The following RLN1 variants were observed in gnomAD, a reference collection of about 807,000 sequenced individuals.
RLN1 encodes the protein prorelaxin H1.
In RLN1, 4 loss-of-function variants were observed where a neutral mutation model predicts 7.2. The observed-to-expected ratio is 0.56, with a 90% CI of 0.28 to 1.28. RLN1 has a LOEUF of 1.28. Among genes scored for constraint, RLN1 ranks in the 50% most tolerant of loss-of-function variants. The pLI is 0.11. For synonymous variants in RLN1, 105 were observed against 86.0 expected (o/e 1.22, Z -1.22); for missense variants, 293 against 221.1 (o/e 1.32, Z -2.06).
At position 5,335,273 on chromosome 9, in the gene RLN1, C is replaced by A. The variant is rs867526609; in HGVS notation, c.536G>T (p.Arg179Met). The change falls in exon 2 of 2, where the codon AGG (arginine) becomes ATG (methionine). Residue 179 changes from arginine (R) to methionine (M), a missense_variant. Coordinates refer to ENST00000223862, the MANE Select transcript of RLN1 (RefSeq NM_006911.4). The stretch of plus-strand genomic sequence containing the variant: ...ATCTCAGCAATATTTAGCAAGAGAC[C>A]TTTTGGTACAACCAATTAGGCAACA... Reference protein sequence around the residue: ...EKCCLIGCTKRSLAKYC With the variant: ...EKCCLIGCTKMSLAKYC 1.9e-6 allele frequency: 3 copies of A among 1,594,042 alleles called. No homozygotes were observed. The highest frequency in any genetic ancestry group is 1.2e-5 in the South Asian group (1 of 86,204).
At chr9:5,336,092 G>A (rs1166487060) in intron 1 of RLN1, among the ~76,000 whole-genome samples, 1 of 151,938 alleles carries the variant, frequency 6.6e-6, no homozygotes, top group Non-Finnish European at 1.5e-5. Context: ...TACTCCTGGA[G>A]GATAAAGTTA....
At chr9:5,337,752 A>G (rs545368290) in intron 1 of RLN1, among the ~76,000 whole-genome samples, 6 of 152,210 alleles carry the variant, frequency 3.9e-5, no homozygotes, top group African/African-American at 1.4e-4. Context: ...CAGTTAAATT[A>G]TACTGCATAG....
rs1314892690 is a variant in RLN1 at position 5,335,178 on chromosome 9, G to A, written c.*73C>T. 2 of 853,948 alleles carry A rather than the reference G, an allele frequency of 2.3e-6. No homozygotes were observed. Among genetic ancestry groups the A allele is most frequent in the Admixed American group, 2.8e-5 (1 of 35,460 alleles). The allele number at this position is 853,948 out of a possible 1,614,324, so 52.9% of individuals were successfully genotyped here. A position where few individuals can be genotyped will look rare whatever the true frequency, so the allele number is the denominator to read the frequency against. On this transcript the variant is annotated 3_prime_UTR_variant, in exon 2 of 2. Transcript: ENST00000223862. ...TATATTCTAATAATTAGTGGGACCT[G>A]ACAGAAGCATCAGTGAAATGTCATC...
chr9:5,335,627 A>G, intron 1 of RLN1, 30 bp from the exon 2 acceptor site: 1 of 1,456,534 alleles, frequency 6.9e-7, no homozygotes, highest in Non-Finnish European at 9.5e-7. Context: ...AGTGTATGTG[A>G]AGGCGTATTC....
chr9:5,335,385 C>A lies in RLN1; in HGVS notation c.424G>T (p.Asp142Tyr), dbSNP rs1393452498. Reference protein sequence around the residue: ...LIRNRQSEAADSNPSELKYLG... With the variant: ...LIRNRQSEAAYSNPSELKYLG... ...TATTTTAATTCTGAAGGATTGCTGT[C>A]TGCGGCTTCACTTTGCCTATTGCGA... The change falls in exon 2 of 2, where the codon GAC becomes TAC. Residue 142 changes from aspartate to tyrosine, a missense_variant. Asp to Tyr is a radical substitution (Grantham distance 160, BLOSUM62 -3). Coordinates refer to ENST00000223862, the MANE Select transcript of RLN1 (RefSeq NM_006911.4). The A allele has an allele frequency of 3.1e-6, 5 of 1,613,514 alleles. No homozygotes were observed. In the African/African-American group the frequency reaches 5.3e-5, roughly 17 times the overall value.
intron 1 of RLN1, among the ~76,000 whole-genome samples, chr9:5,336,121 C>A (rs910959040): frequency 2.6e-5 from 4 of 152,018 alleles, no homozygotes; most frequent in African/African-American, 9.7e-5. Context: ...GCATTTCCAA[C>A]ACCTGTAATC....
intron 1 of RLN1, among the ~76,000 whole-genome samples, 176 bp from the exon 2 acceptor site, chr9:5,335,773 C>A (rs1221747827): frequency 6.6e-6 from 1 of 152,002 alleles, no homozygotes; most frequent in Non-Finnish European, 1.5e-5. Flanking sequence ...CAGTTGGACA[C>A]CTTAAAGTAC....
chr9:5,337,143 G>C (rs530781479), intron 1 of RLN1, among the ~76,000 whole-genome samples: 2 of 151,938 alleles, frequency 1.3e-5, no homozygotes, highest in Non-Finnish European at 2.9e-5. Flanking sequence ...CCCTCATTAA[G>C]ACATCCTAAG....
chr9:5,336,561 T>G (rs1816898279), intron 1 of RLN1, among the ~76,000 whole-genome samples: 1 of 152,090 alleles, frequency 6.6e-6, no homozygotes, highest in African/African-American at 2.4e-5. Flanking sequence ...TTAAAAGATA[T>G]AAATTTTTAA....
At chr9:5,336,499 T>G (rs1275555115) in intron 1 of RLN1, among the ~76,000 whole-genome samples, 3 of 152,032 alleles carry the variant, frequency 2.0e-5, no homozygotes, top group Admixed American at 6.6e-5. Flanking sequence ...TTTGTACCCA[T>G]TCAGCTCCGT....
intron 1 of RLN1, 152 bp downstream of exon 1, chr9:5,339,384 C>T: frequency 1.8e-6 from 1 of 562,868 alleles, no homozygotes; most frequent in Non-Finnish European, 3.0e-6. Flanking sequence ...AAAGCCCAAA[C>T]TTTAGGGACC....
At position 5,339,634 on chromosome 9, in the gene RLN1, T is replaced by C; in HGVS notation, c.113A>G (p.Glu38Gly). Reference protein sequence around the residue: ...KDDVIKLCGRELVRAQIAICG... With the variant: ...KDDVIKLCGRGLVRAQIAICG... Reference sequence around the variant, plus strand: ...AATGGCAATCTGCGCGCGAACTAATTCGCGGCCGCATAATTTAATAACATC... The same window carrying C: ...AATGGCAATCTGCGCGCGAACTAATCCGCGGCCGCATAATTTAATAACATC... Residue 38 changes from glutamate to glycine, a missense_variant, in exon 1 of 2, where the codon GAA becomes GGA. Transcript: ENST00000223862. 1.2e-6 allele frequency: 2 copies of C among 1,612,604 alleles called. No individual in the cohort carries two copies. The highest frequency in any genetic ancestry group is 1.1e-5 in the South Asian group (1 of 91,058).
Position 5,335,489 on chromosome 9 carries a change from G to A in RLN1, c.320C>T (p.Pro107Leu). 1 of 1,613,136 alleles carries A rather than the reference G, an allele frequency of 6.2e-7. No homozygotes were observed. Among genetic ancestry groups the A allele is most frequent in the Non-Finnish European group, 8.5e-7 (1 of 1,179,326 alleles). Reference protein sequence around the residue: ...ELKAALSERQPSLPELQQYVP... With the variant: ...ELKAALSERQLSLPELQQYVP... ...ATACTGCTGTAGCTCTGGTAATGAT[G>A]GTTGCCTCTCAGATAGGGCTGCCTT... Residue 107 changes from proline to leucine, a missense_variant, in exon 2 of 2, where the codon CCA (proline) becomes CTA (leucine). Coordinates refer to ENST00000223862, the MANE Select transcript of RLN1 (RefSeq NM_006911.4).
rs1444275334 is a variant in RLN1, at chr9:5,335,604, A to C, written c.212-7T>G. 1 of 1,577,992 alleles carries C rather than the reference A, an allele frequency of 6.3e-7. No individual in the cohort carries two copies. The highest frequency in any genetic ancestry group is 1.4e-5 in the African/African-American group (1 of 73,516). ...ATGAAGGATGGTACAATTTCTGTTA[A>C]GTTTAAAAAAAAAGTGTATGTGAAG... On this transcript the variant is annotated splice_region_variant and splice_polypyrimidine_tract_variant and intron_variant, in intron 1 of 1. Transcript: ENST00000223862.
upstream of RLN1, among the ~76,000 whole-genome samples, chr9:5,340,203 G>C (rs1307353715): frequency 2.0e-5 from 3 of 152,008 alleles, no homozygotes. Context: ...ACCTAAATAG[G>C]ATTATAGATT....
chr9:5,339,444 T>A, intron 1 of RLN1, 92 bp downstream of exon 1: 1 of 804,274 alleles, frequency 1.2e-6, no homozygotes, highest in South Asian at 1.7e-5. Flanking sequence ...AGATCTCGAG[T>A]CGGACGTGCA....
upstream of RLN1, chr9:5,339,969 T>A: frequency 1.7e-6 from 1 of 587,950 alleles, no homozygotes; most frequent in Non-Finnish European, 3.0e-6. Flanking sequence ...CTTCAGCTCT[T>A]GTTCTGCCTC....
Position 5,337,913 on chromosome 9 carries a change from T to G in RLN1, c.211+1623A>C, listed in dbSNP as rs471068. Among the ~76,000 whole-genome samples the G allele has an allele frequency of 8.5e-4, 130 of 152,128 alleles. 1 individual carries two copies. The highest frequency in any genetic ancestry group is 1.7e-3 in the South Asian group (8 of 4,814). ...AATATCCACCAAAGAATCTTTAAGT[T>G]TATGTGGCAGATTTATGACAAAAAT... is the stretch of plus-strand genomic sequence containing the variant. On this transcript the variant is annotated intron_variant, in intron 1 of 1. Coordinates refer to ENST00000223862, the MANE Select transcript of RLN1 (RefSeq NM_006911.4).
intron 1 of RLN1, among the ~76,000 whole-genome samples, chr9:5,336,917 T>A (rs909195806): frequency 6.6e-6 from 1 of 152,006 alleles, no homozygotes. Context: ...TCCTGAGTTT[T>A]GTGGCAAAAG....
Sources: gnomAD v4.1 joint callset for allele counts (sites outside exome capture counted in the v4.1 genomes callset) on GRCh38, gnomAD v4.1.1 for gene constraint, MANE v1.5 for transcripts, NCBI Gene and HGNC (gene_info 2026-07-23, HGNC 2026-07-21) for gene names.